The following ARHGAP24 variants were observed in gnomAD, a reference collection of about 807,000 sequenced individuals.
The protein encoded by ARHGAP24 is Rho GTPase activating protein 24, also known as rho GTPase-activating protein 24.
Under a neutral mutation model 76.4 loss-of-function variants are expected in ARHGAP24, and 50 were observed. The ratio of observed to expected loss-of-function variants is 0.65; its 90% CI spans 0.52 to 0.83. The LOEUF (loss-of-function observed/expected upper bound fraction) is 0.83. Among genes scored for constraint, ARHGAP24 ranks in the 40% least tolerant of loss-of-function variants. The pLI is 0.00. For missense variants in ARHGAP24, 930 were observed against 914.2 expected (o/e 1.02, Z -0.22); for synonymous variants, 345 against 323.3 (o/e 1.07, Z -0.72).
At chr4:85,753,182 C>T (rs17398237) in intron 3 of ARHGAP24, among the ~76,000 whole-genome samples, 6,973 of 152,062 alleles carry the variant, frequency 0.046, 233 homozygotes, top group Non-Finnish European at 0.066. Context: ...ATTAGAAAGC[C>T]CATTCGAGAA....
chr4:85,506,966 A>G (rs1005482517), intron 1 of ARHGAP24, among the ~76,000 whole-genome samples: 2 of 152,160 alleles, frequency 1.3e-5, no homozygotes, highest in Non-Finnish European at 2.9e-5. Context: ...AACTGGATAT[A>G]TAAACAGCAC....
At chr4:85,762,040 A>G (rs1489761054) in intron 3 of ARHGAP24, among the ~76,000 whole-genome samples, 1 of 152,214 alleles carries the variant, frequency 6.6e-6, no homozygotes, top group Non-Finnish European at 1.5e-5. Context: ...GCCAGTGGCC[A>G]TGGTAAAATT....
At chr4:85,983,256 A>G (rs554863783) in intron 8 of ARHGAP24, among the ~76,000 whole-genome samples, 1 of 152,304 alleles carries the variant, frequency 6.6e-6, no homozygotes, top group East Asian at 1.9e-4. Context: ...GTATCTTTAT[A>G]ACAGAATTAT....
At chr4:85,863,727 A>C (rs1395752778) in intron 3 of ARHGAP24, among the ~76,000 whole-genome samples, 1 of 152,120 alleles carries the variant, frequency 6.6e-6, no homozygotes, top group African/African-American at 2.4e-5. Context: ...TGTCAAACTG[A>C]ATGTGTGCAG....
chr4:85,637,800 C>T (rs926752600), intron 2 of ARHGAP24, among the ~76,000 whole-genome samples: 2 of 151,764 alleles, frequency 1.3e-5, no homozygotes, highest in African/African-American at 4.8e-5. Context: ...ACATATTTGG[C>T]TCACATCAGT....
intron 5 of ARHGAP24, among the ~76,000 whole-genome samples, chr4:85,945,365 A>G (rs112055945): frequency 0.072 from 10,941 of 152,048 alleles, 1,365 homozygotes; most frequent in African/African-American, 0.25. Context: ...CTGGTCTCAA[A>G]GCCTAGGTTT....
In ARHGAP24 at chr4:85,532,187, G is replaced by A. The variant is rs991703814; in HGVS notation, c.-20-38335G>A. On this transcript the variant is annotated intron_variant, in intron 1 of 9. Transcript: ENST00000395184. Reference sequence around the variant, plus strand: ...CTGTGATCTAAAAATTCAGAAGTGTGCAGTAGGACATTTCATTTGTTCCTG... The same window carrying A: ...CTGTGATCTAAAAATTCAGAAGTGTACAGTAGGACATTTCATTTGTTCCTG... Among the ~76,000 whole-genome samples, 6 of 152,218 alleles carry A rather than the reference G, an allele frequency of 3.9e-5. No individual in the cohort carries two copies. In the East Asian group the frequency reaches 7.7e-4, roughly 20 times the overall value.
chr4:85,565,521 C>A (rs1453010928), intron 1 of ARHGAP24, among the ~76,000 whole-genome samples: 2 of 152,190 alleles, frequency 1.3e-5, no homozygotes, highest in African/African-American at 2.4e-5. Flanking sequence ...AATACTCACT[C>A]ACCCCACCAG....
At chr4:85,716,721 A>AG (rs1206129889) in intron 2 of ARHGAP24, among the ~76,000 whole-genome samples, 6 of 152,116 alleles carry the variant, frequency 3.9e-5, no homozygotes, top group Non-Finnish European at 5.9e-5. Flanking sequence ...TAAAAAAAAA[A>AG]TTTACCAAGT....
chr4:85,682,046 T>C (rs1040848201), intron 2 of ARHGAP24, among the ~76,000 whole-genome samples: 1 of 151,432 alleles, frequency 6.6e-6, no homozygotes, highest in Admixed American at 6.6e-5. Context: ...GTATAGAGCA[T>C]AATTTAAATC....
intron 2 of ARHGAP24, among the ~76,000 whole-genome samples, chr4:85,600,839 A>G (rs1720005356): frequency 6.6e-6 from 1 of 152,210 alleles, no homozygotes; most frequent in Non-Finnish European, 1.5e-5. Context: ...AATGTATTCA[A>G]ATTGATGCAT....
chr4:85,882,652 G>A (rs1733326744), intron 3 of ARHGAP24, among the ~76,000 whole-genome samples: 1 of 152,108 alleles, frequency 6.6e-6, no homozygotes, highest in African/African-American at 2.4e-5. Flanking sequence ...AAGGTCCATG[G>A]TCCACGTGGC....
chr4:85,578,094 C>T lies in ARHGAP24; in HGVS notation c.180+7373C>T, dbSNP rs994131418. 2.6e-5 allele frequency among the ~76,000 whole-genome samples: 4 copies of T among 152,190 alleles called. No individual in the cohort carries two copies. In the South Asian group the frequency reaches 6.2e-4, roughly 24 times the overall value. ...TTAAAGCTAAACAGTTAAAACAGAA[C>T]TCATTCTATGTACAGTTCACTGTGA... On this transcript the variant is annotated intron_variant, in intron 2 of 9. Transcript: ENST00000395184.
intron 2 of ARHGAP24, among the ~76,000 whole-genome samples, chr4:85,654,309 G>C (rs1472241505): frequency 6.6e-6 from 1 of 152,046 alleles, no homozygotes. Flanking sequence ...AGTCCATTTG[G>C]ATTTGGGTCC....
intron 3 of ARHGAP24, among the ~76,000 whole-genome samples, chr4:85,868,106 G>A (rs780264125): frequency 6.6e-6 from 1 of 151,928 alleles, no homozygotes; most frequent in Non-Finnish European, 1.5e-5. Context: ...CAATACCTGT[G>A]AGGTATACAT....
rs911192824 is a variant in ARHGAP24, at chr4:85,930,353, G to T, written c.391+6583G>T. 3 of 986,362 alleles carry T rather than the reference G, an allele frequency of 3.0e-6. No individual in the cohort carries two copies. In the South Asian group the frequency reaches 1.4e-4, roughly 46 times the overall value. The allele number at this position is 986,362 out of a possible 1,614,324, so 61.1% of individuals were successfully genotyped here. The stretch of plus-strand genomic sequence containing the variant: ...GGGGGGTGCTATAAAAGAAGCAGGG[G>T]GGTCCTTTGAAAGAAATCTATCATG... On this transcript the variant is annotated intron_variant, in intron 4 of 9. Transcript: ENST00000395184.
chr4:85,803,157 A>G (rs896819020), intron 3 of ARHGAP24, among the ~76,000 whole-genome samples: 1 of 152,214 alleles, frequency 6.6e-6, no homozygotes, highest in African/African-American at 2.4e-5. Flanking sequence ...TTAACATTAT[A>G]CTTTGTGGTT....
intron 2 of ARHGAP24, among the ~76,000 whole-genome samples, chr4:85,606,147 A>G (rs1396642067): frequency 6.6e-6 from 1 of 152,184 alleles, no homozygotes; most frequent in Non-Finnish European, 1.5e-5. Context: ...TGTGCCAAAC[A>G]CCTTATGAAA....
intron 5 of ARHGAP24, among the ~76,000 whole-genome samples, chr4:85,956,672 G>A (rs1737918325): frequency 1.3e-5 from 2 of 152,180 alleles, no homozygotes; most frequent in Admixed American, 1.3e-4. Flanking sequence ...TCCATTAGGA[G>A]GAACCCACTT....
Sources: gnomAD v4.1 joint callset for allele counts (sites outside exome capture counted in the v4.1 genomes callset) on GRCh38, gnomAD v4.1.1 for gene constraint, MANE v1.5 for transcripts, NCBI Gene and HGNC (gene_info 2026-07-23, HGNC 2026-07-21) for gene names.